USP48: variants seen among roughly 807,000 people sequenced by gnomAD.
The protein encoded by USP48 is ubiquitin carboxyl-terminal hydrolase 48.
USP48 carries 43 observed loss-of-function variants against 150.7 expected under a neutral mutation model. The observed-to-expected ratio is 0.29, with a 90% CI of 0.22 to 0.37. USP48 has a LOEUF of 0.37. USP48 is among the 10% of genes least tolerant of loss of function. The probability of loss-of-function intolerance (pLI) is 1.00; values close to 1 mark genes in which losing one functional copy is unlikely to be tolerated. For synonymous variants in USP48, 396 were observed against 425.9 expected (o/e 0.93, Z 0.86); for missense variants, 813 against 1,249.6 (o/e 0.65, Z 5.27).
intron 25 of USP48, among the ~76,000 whole-genome samples, chr1:21,681,736 A>G (rs1410214600): frequency 6.6e-6 from 1 of 152,176 alleles, no homozygotes; most frequent in Non-Finnish European, 1.5e-5. Context: ...TACTAGTCAC[A>G]GTTGAATGCC....
At chr1:21,762,972 T>TTTAGA (rs1410942811) in intron 1 of USP48, among the ~76,000 whole-genome samples, 32 of 152,196 alleles carry the variant, frequency 2.1e-4, no homozygotes, top group African/African-American at 7.0e-4. Flanking sequence ...ACTGGATCTG[T>TTTAGA]TTAGATTTTA....
intron 1 of USP48, among the ~76,000 whole-genome samples, chr1:21,764,711 CAAAA>C (rs35810751): frequency 5.5e-5 from 6 of 108,258 alleles, no homozygotes; most frequent in Admixed American, 9.9e-5. Context: ...CACTCCGTCT[CAAAA>C]AAAAAAAAAA....
chr1:21,681,031 A>C (rs2097564419), intron 25 of USP48, 197 bp from the exon 26 acceptor site: 1 of 494,988 alleles, frequency 2.0e-6, no homozygotes, highest in African/African-American at 2.1e-5. Context: ...AGCAATACGT[A>C]TGCATCATTT....
intron 24 of USP48, among the ~76,000 whole-genome samples, chr1:21,687,801 G>A (rs987708876): frequency 2.6e-5 from 4 of 152,168 alleles, no homozygotes; most frequent in Non-Finnish European, 4.4e-5. Context: ...AGTACAAACC[G>A]TTCAACAATA....
intron 15 of USP48, among the ~76,000 whole-genome samples, chr1:21,710,904 C>T (rs1014629137): frequency 6.6e-6 from 1 of 152,020 alleles, no homozygotes; most frequent in African/African-American, 2.4e-5. Context: ...ATCTCCTGGG[C>T]TCAAGCAATG....
At chr1:21,740,025 C>T (rs1273487093) in intron 8 of USP48, among the ~76,000 whole-genome samples, 1 of 152,280 alleles carries the variant, frequency 6.6e-6, no homozygotes, top group Non-Finnish European at 1.5e-5. Flanking sequence ...GATTCCCTTG[C>T]CTCAGCTTCC....
chr1:21,770,495 T>TTC (rs2097876578), intron 1 of USP48, among the ~76,000 whole-genome samples: 1 of 150,390 alleles, frequency 6.6e-6, no homozygotes, highest in African/African-American at 2.5e-5. Flanking sequence ...TTTTTTTTTT[T>TTC]TTTTTGAGAC....
rs767744755 is a variant in USP48, at chr1:21,715,401, G to A, written c.1951C>T (p.Leu651=). The A allele has an allele frequency of 6.3e-7, 1 of 1,591,478 alleles. No homozygotes were observed. The highest frequency in any genetic ancestry group is 8.6e-7 in the Non-Finnish European group (1 of 1,161,648). Residue 651 remains leucine, a synonymous_variant, in exon 15 of 27, where the codon CTG becomes TTG. Coordinates refer to ENST00000308271, the MANE Select transcript of USP48 (RefSeq NM_032236.8). ...EEELNFNEDI[L]CPHGELCISE... ...GCTTCTAGCTTACCATGTGGACACA[G>A]AATATCTTCATTAAAATTTAATTCC...
chr1:21,733,381 C>T (rs1399562033), intron 9 of USP48, among the ~76,000 whole-genome samples: 1 of 152,020 alleles, frequency 6.6e-6, no homozygotes, highest in Non-Finnish European at 1.5e-5. Context: ...CGCGCCATTG[C>T]ACTCCAGCCT....
chr1:21,731,232 T>C (rs2097756012), intron 9 of USP48, among the ~76,000 whole-genome samples: 1 of 152,218 alleles, frequency 6.6e-6, no homozygotes, highest in Non-Finnish European at 1.5e-5. Context: ...CAAATAAATC[T>C]AGACTTAATT....
rs1386512292 is a variant in USP48, at chr1:21,772,509, G to C, written c.134+10315C>G. ...GTGGTGGCGGGCGCCTGTAGTCCCA[G>C]CTACTTGGGAGGCTGAGGCAGGAGA... On this transcript the variant is annotated intron_variant, in intron 1 of 26. Coordinates refer to ENST00000308271, the MANE Select transcript of USP48 (RefSeq NM_032236.8). Among the ~76,000 whole-genome samples, 3 of 151,940 alleles carry C rather than the reference G, an allele frequency of 2.0e-5. No individual in the cohort carries two copies. The East Asian group carries it at 5.8e-4, about 29-fold the overall frequency.
chr1:21,782,762 C>A, intron 1 of USP48, 62 bp downstream of exon 1: 2 of 1,476,146 alleles, frequency 1.4e-6, no homozygotes, highest in Middle Eastern at 2.3e-4. Context: ...TTTCCCCTAC[C>A]CCGCCCGGGC....
chr1:21,734,600 G>A (rs2097764553), intron 9 of USP48, among the ~76,000 whole-genome samples: 1 of 152,152 alleles, frequency 6.6e-6, no homozygotes, highest in Non-Finnish European at 1.5e-5. Flanking sequence ...AGAGTGGCAG[G>A]AGACACACAC....
At chr1:21,690,166 T>C in intron 23 of USP48, 67 bp from the exon 24 acceptor site, 1 of 1,362,520 alleles carries the variant, frequency 7.3e-7, no homozygotes, top group Non-Finnish European at 9.7e-7. Flanking sequence ...CCTATTTAAA[T>C]AAATTATGCA....
intron 1 of USP48, among the ~76,000 whole-genome samples, chr1:21,778,478 A>G (rs10733030): frequency 0.7 from 106,137 of 151,438 alleles, 37,876 homozygotes; most frequent in Admixed American, 0.79. Flanking sequence ...ATTCCTCAAA[A>G]TATTAAACAC....
At chr1:21,779,830 T>C (rs1320716293) in intron 1 of USP48, among the ~76,000 whole-genome samples, 4 of 152,098 alleles carry the variant, frequency 2.6e-5, no homozygotes, top group Non-Finnish European at 5.9e-5. Context: ...CTGAACTCAT[T>C]AGTCACTAGG....
At chr1:21,726,906 AT>A (rs1452290241) in intron 11 of USP48, among the ~76,000 whole-genome samples, 1 of 152,152 alleles carries the variant, frequency 6.6e-6, no homozygotes, top group Non-Finnish European at 1.5e-5. Flanking sequence ...AAAGCAAAAT[AT>A]TAAAATATTT....
rs1433912333 is a variant in USP48 at position 21,731,377 on chromosome 1, C to T, written c.1172-1545G>A. On this transcript the variant is annotated intron_variant, in intron 9 of 26. Transcript: ENST00000308271. ...CTCCCAGGTTCAAGTGATTCTCCTG[C>T]CTTAGCCTCCCCATTAGCTAGGATT... Among the ~76,000 whole-genome samples the T allele has an allele frequency of 3.3e-5, 5 of 151,838 alleles. No homozygotes were observed. In the East Asian group the frequency reaches 9.8e-4, roughly 30 times the overall value.
At chr1:21,723,121 T>C (rs1281849605) in intron 12 of USP48, among the ~76,000 whole-genome samples, 2 of 152,160 alleles carry the variant, frequency 1.3e-5, no homozygotes, top group Non-Finnish European at 2.9e-5. Context: ...CAAAATACTA[T>C]GGTTGGGTAC....
Sources: gnomAD v4.1 joint callset for allele counts (sites outside exome capture counted in the v4.1 genomes callset) on GRCh38, gnomAD v4.1.1 for gene constraint, MANE v1.5 for transcripts, NCBI Gene and HGNC (gene_info 2026-07-23, HGNC 2026-07-21) for gene names.